The following FBXL17 variants were observed in gnomAD, a reference collection of about 807,000 sequenced individuals.
FBXL17 encodes F-box/LRR-repeat protein 17.
A neutral mutation model predicts 66.2 loss-of-function variants in FBXL17; 22 were observed. The observed-to-expected ratio is 0.33, with a 90% CI of 0.24 to 0.47. The LOEUF (loss-of-function observed/expected upper bound fraction) is 0.47, where lower values mean the gene tolerates loss of function less well. FBXL17 is among the 20% of genes least tolerant of loss of function. The probability of loss-of-function intolerance (pLI) is 1.00; values close to 1 mark genes in which losing one functional copy is unlikely to be tolerated. For missense variants in FBXL17, 878 were observed against 948.2 expected (o/e 0.93, Z 0.97); for synonymous variants, 474 against 400.5 (o/e 1.18, Z -2.19).
In FBXL17 at chr5:108,204,895, C is replaced by T. The variant is rs114217772; in HGVS notation, c.1615-18648G>A. Among the ~76,000 whole-genome samples, 991 of 151,952 alleles carry T rather than the reference C, an allele frequency of 6.5e-3. 9 individuals carry two copies. The highest frequency in any genetic ancestry group is 0.023 in the African/African-American group (949 of 41,414). On this transcript the variant is annotated intron_variant, in intron 5 of 8. Transcript: ENST00000542267. The stretch of plus-strand genomic sequence containing the variant: ...AACCTTCATGTCTTAAAACCTAGCT[C>T]GATTATCAATATTTTGCATTTTTTT...
chr5:108,044,218 A>G (rs1747157890), intron 6 of FBXL17, among the ~76,000 whole-genome samples: 1 of 152,012 alleles, frequency 6.6e-6, no homozygotes, highest in African/African-American at 2.4e-5. Flanking sequence ...CCAGTACTAT[A>G]TTAAGAGTGG....
intron 6 of FBXL17, among the ~76,000 whole-genome samples, chr5:108,117,879 C>T (rs1750325405): frequency 6.6e-6 from 1 of 152,100 alleles, no homozygotes; most frequent in African/African-American, 2.4e-5. Flanking sequence ...GCCAGAGATG[C>T]TCTAGAAAGC....
At chr5:108,028,425 T>C (rs927264959) in intron 6 of FBXL17, among the ~76,000 whole-genome samples, 1 of 152,174 alleles carries the variant, frequency 6.6e-6, no homozygotes, top group South Asian at 2.1e-4. Context: ...AGAGCATGTA[T>C]TTTAAGCTTA....
intron 8 of FBXL17, among the ~76,000 whole-genome samples, chr5:107,867,782 T>C (rs1190842204): frequency 6.6e-6 from 1 of 152,186 alleles, no homozygotes; most frequent in Non-Finnish European, 1.5e-5. Context: ...TCTGCTGTCA[T>C]GGTAGTGTTT....
At chr5:108,321,690 A>C (rs1478589554) in intron 4 of FBXL17, among the ~76,000 whole-genome samples, 1 of 151,914 alleles carries the variant, frequency 6.6e-6, no homozygotes, top group African/African-American at 2.4e-5. Context: ...AAAAACAAAA[A>C]AGTGGTAAAT....
At chr5:108,360,023 T>C (rs1394014561) in intron 3 of FBXL17, among the ~76,000 whole-genome samples, 2 of 152,146 alleles carry the variant, frequency 1.3e-5, no homozygotes, top group Non-Finnish European at 2.9e-5. Flanking sequence ...GAAAGATTAA[T>C]ATTTTATATT....
At chr5:108,105,340 C>T (rs750725584) in intron 6 of FBXL17, among the ~76,000 whole-genome samples, 10 of 152,166 alleles carry the variant, frequency 6.6e-5, no homozygotes, top group Non-Finnish European at 1.3e-4. Flanking sequence ...GTTGATGGCA[C>T]TTGTGAAAGA....
chr5:108,061,698 C>T (rs1051273168), intron 6 of FBXL17, among the ~76,000 whole-genome samples: 26 of 152,172 alleles, frequency 1.7e-4, no homozygotes, highest in African/African-American at 5.5e-4. Flanking sequence ...GCACTAGTAC[C>T]TATTTCTACT....
In FBXL17 at chr5:108,342,787, G is replaced by T. The variant is rs142961150; in HGVS notation, c.1506+5612C>A. Among the ~76,000 whole-genome samples the T allele has an allele frequency of 9.9e-4, 150 of 152,026 alleles. 3 individuals are homozygous for T. In the East Asian group the frequency reaches 0.028, roughly 29 times the overall value. On this transcript the variant is annotated intron_variant, in intron 4 of 8. Transcript: ENST00000542267. ...AATTATATAAAACAGCATAGTACCTGGTATATTAAAAATACTCAATAAAAG... is the reference window on the plus strand; with the variant it reads ...AATTATATAAAACAGCATAGTACCTTGTATATTAAAAATACTCAATAAAAG...
chr5:107,925,123 G>A (rs1750483827), intron 7 of FBXL17, among the ~76,000 whole-genome samples: 1 of 152,180 alleles, frequency 6.6e-6, no homozygotes. Context: ...TTTGATGAAA[G>A]AGCTGATCAA....
At chr5:108,378,705 T>C (rs1749622599) in intron 1 of FBXL17, among the ~76,000 whole-genome samples, 1 of 152,134 alleles carries the variant, frequency 6.6e-6, no homozygotes, top group Non-Finnish European at 1.5e-5. Context: ...TCACCCTGAG[T>C]CTCAGCACAG....
chr5:108,002,817 C>T (rs993588354), intron 7 of FBXL17, among the ~76,000 whole-genome samples: 41 of 152,104 alleles, frequency 2.7e-4, no homozygotes, highest in Admixed American at 2.5e-3. Context: ...ATGCAGAAGA[C>T]CACATCTTGT....
chr5:108,265,047 C>T (rs1253357775), intron 4 of FBXL17, among the ~76,000 whole-genome samples: 1 of 151,792 alleles, frequency 6.6e-6, no homozygotes, highest in East Asian at 1.9e-4. Context: ...GTCAAGAATA[C>T]AAAAATCTTT....
intron 6 of FBXL17, among the ~76,000 whole-genome samples, chr5:108,161,161 GATAC>G (rs36073647): frequency 0.44 from 65,188 of 149,112 alleles, 15,278 homozygotes; most frequent in East Asian, 0.51. Context: ...TCAACAAATA[GATAC>G]ATACATACAT....
At chr5:107,999,645 CACACATACACACACAA>C (rs969733555) in intron 7 of FBXL17, among the ~76,000 whole-genome samples, 2 of 152,094 alleles carry the variant, frequency 1.3e-5, no homozygotes, top group Non-Finnish European at 2.9e-5. Flanking sequence ...TGCACACACA[CACACATACACACACAA>C]ACACAGACAC....
chr5:108,055,274 T>C (rs1742461423), intron 6 of FBXL17, among the ~76,000 whole-genome samples: 1 of 115,212 alleles, frequency 8.7e-6, no homozygotes, highest in South Asian at 3.0e-4. Flanking sequence ...TGACATAGAA[T>C]TTTTAGAAAA....
rs550035672 is a variant in FBXL17, at chr5:108,364,786, T to C, written c.1326A>G (p.Lys442=). ...GTTTGTCCTGGTTGCCTACATGCAC[T>C]TTCTGAAGTAAAGGACAGTGAGAGG... The part of the protein sequence containing the change: ...AVASHCPLLQ[K]VHVGNQDKLT... Residue 442 remains lysine (K), a synonymous_variant, in exon 3 of 9, where the codon AAA becomes AAG. Coordinates refer to ENST00000542267, the MANE Select transcript of FBXL17 (RefSeq NM_001163315.3). The C allele has an allele frequency of 5.0e-6, 8 of 1,612,880 alleles. No individual in the cohort carries two copies. The highest frequency in any genetic ancestry group is 1.7e-5 in the Admixed American group (1 of 59,896).
chr5:107,924,180 C>T (rs10076055), intron 7 of FBXL17, among the ~76,000 whole-genome samples: 41,036 of 151,262 alleles, frequency 0.27, 6,234 homozygotes, highest in Admixed American at 0.43. Context: ...CCACTACGCC[C>T]GACTTTGCAA....
chr5:108,177,206 C>A (rs1347124780), intron 6 of FBXL17, among the ~76,000 whole-genome samples: 1 of 151,992 alleles, frequency 6.6e-6, no homozygotes, highest in African/African-American at 2.4e-5. Context: ...TTTTTCAGAC[C>A]AACTATGAGT....
Sources: gnomAD v4.1 joint callset for allele counts (sites outside exome capture counted in the v4.1 genomes callset) on GRCh38, gnomAD v4.1.1 for gene constraint, MANE v1.5 for transcripts, NCBI Gene and HGNC (gene_info 2026-07-23, HGNC 2026-07-21) for gene names.